Variants in SLC14A2 observed in about 807,000 individuals in gnomAD.
SLC14A2 encodes urea transporter 2.
SLC14A2 carries 91 observed loss-of-function variants against 104.6 expected under a neutral mutation model. That is an observed-to-expected ratio of 0.87 (90% CI 0.73 to 1.04). The LOEUF is 1.04. Ranked by LOEUF, SLC14A2 falls within the 50% of genes least tolerant of loss-of-function variation. SLC14A2 has a pLI of 0.00. For missense variants in SLC14A2, 1,189 were observed against 1,156.0 expected (o/e 1.03, Z -0.41); for synonymous variants, 476 against 466.4 (o/e 1.02, Z -0.27).
chr18:45,345,798 T>C (rs1422345594), intron 1 of SLC14A2, among the ~76,000 whole-genome samples: 1 of 152,222 alleles, frequency 6.6e-6, no homozygotes, highest in Non-Finnish European at 1.5e-5. Flanking sequence ...TCCAATGAAC[T>C]CCCTGTGAGT....
intron 2 of SLC14A2, among the ~76,000 whole-genome samples, chr18:45,594,886 C>G (rs896852190): frequency 4.6e-5 from 7 of 152,290 alleles, no homozygotes; most frequent in Admixed American, 3.3e-4. Flanking sequence ...CTGGTCGGAA[C>G]AGAATCCCAC....
At chr18:45,634,178 A>G (rs1165291948) in intron 5 of SLC14A2, among the ~76,000 whole-genome samples, 2 of 152,174 alleles carry the variant, frequency 1.3e-5, no homozygotes, top group African/African-American at 4.8e-5. Context: ...GGACCCTGAA[A>G]TTCAAGTCAT....
chr18:45,264,453 G>A (rs754531654), intron 1 of SLC14A2, among the ~76,000 whole-genome samples: 12 of 152,162 alleles, frequency 7.9e-5, no homozygotes, highest in Non-Finnish European at 1.6e-4. Flanking sequence ...TACGTAGTTC[G>A]TTTTATCTTG....
intron 1 of SLC14A2, among the ~76,000 whole-genome samples, chr18:45,413,952 T>TAA (rs370895000): frequency 6.8e-6 from 1 of 147,250 alleles, no homozygotes; most frequent in African/African-American, 2.5e-5. Context: ...TAATAGAGCG[T>TAA]AAAAAAAAAA....
intron 1 of SLC14A2, among the ~76,000 whole-genome samples, chr18:45,376,213 C>T (rs1472882519): frequency 1.3e-5 from 2 of 152,282 alleles, no homozygotes; most frequent in East Asian, 3.9e-4. Flanking sequence ...TTTGTGCACG[C>T]CGCCACTTTA....
intron 1 of SLC14A2, among the ~76,000 whole-genome samples, chr18:45,459,896 A>G (rs1192019629): frequency 6.6e-6 from 1 of 152,200 alleles, no homozygotes; most frequent in Non-Finnish European, 1.5e-5. Context: ...AGATGGTTGC[A>G]TTCAGCCCAA....
At chr18:45,182,871 T>G in the SLC14A2 span, among the ~76,000 whole-genome samples, 1 of 152,166 alleles carries the variant, frequency 6.6e-6, no homozygotes, top group Non-Finnish European at 1.5e-5. Flanking sequence ...ATAGGTTAAT[T>G]CAATCTGAAG....
intron 1 of SLC14A2, among the ~76,000 whole-genome samples, chr18:45,304,628 G>C (rs115912969): frequency 7.2e-5 from 11 of 152,202 alleles, no homozygotes; most frequent in Non-Finnish European, 1.3e-4. Context: ...TATTGGGAAG[G>C]GAGTGATCAT....
intron 10 of SLC14A2, chr18:45,647,956 GT>G (rs2045650435): frequency 6.6e-6 from 1 of 151,840 alleles, no homozygotes; most frequent in Non-Finnish European, 1.5e-5. Context: ...AAATTGATTT[GT>G]TAATTGTATT....
intron 1 of SLC14A2, among the ~76,000 whole-genome samples, chr18:45,430,459 G>A (rs919044658): frequency 4.6e-5 from 7 of 152,170 alleles, no homozygotes; most frequent in African/African-American, 9.7e-5. Flanking sequence ...AATAACTCAC[G>A]TAGCACTAAC....
rs186926486 is a variant in SLC14A2 at position 45,531,538 on chromosome 18, G to A, written c.-35+48216G>A. Among the ~76,000 whole-genome samples, 402 of 152,224 alleles carry A rather than the reference G, an allele frequency of 2.6e-3. 2 individuals carry two copies. The highest frequency in any genetic ancestry group is 9.1e-3 in the African/African-American group (379 of 41,552). On this transcript the variant is annotated intron_variant, in intron 2 of 20. Transcript: ENST00000586448. ...TGTTCATATCCTTCACCCACTTTTT[G>A]ATGGGATTGTTTGTTTTTTTCTTGT... is the stretch of plus-strand genomic sequence containing the variant.
chr18:45,364,553 T>C (rs185667727), intron 1 of SLC14A2, among the ~76,000 whole-genome samples: 121 of 152,374 alleles, frequency 7.9e-4, no homozygotes, highest in African/African-American at 2.7e-3. Flanking sequence ...TATATGTGTG[T>C]ATACACAAAA....
intron 1 of SLC14A2, among the ~76,000 whole-genome samples, chr18:45,464,068 G>A (rs2087094946): frequency 1.3e-5 from 2 of 152,152 alleles, no homozygotes; most frequent in Non-Finnish European, 1.5e-5. Flanking sequence ...CAAATGGTCT[G>A]GGCAGAATCA....
At chr18:45,422,669 G>T (rs2086366210) in intron 1 of SLC14A2, among the ~76,000 whole-genome samples, 1 of 152,164 alleles carries the variant, frequency 6.6e-6, no homozygotes, top group Non-Finnish European at 1.5e-5. Context: ...GAGACAGAAG[G>T]CCAATGTCAA....
intron 2 of SLC14A2, among the ~76,000 whole-genome samples, chr18:45,554,094 CA>C (rs1239321634): frequency 6.6e-6 from 1 of 152,238 alleles, no homozygotes; most frequent in East Asian, 1.9e-4. Context: ...CCCCACTTCA[CA>C]GAGGTGCATG....
intron 2 of SLC14A2, among the ~76,000 whole-genome samples, chr18:45,542,045 T>TTTG (rs2043894645): frequency 2.5e-5 from 3 of 121,806 alleles, no homozygotes; most frequent in African/African-American, 8.8e-5. Flanking sequence ...GTTTTTTTTT[T>TTTG]TTTTTTTTTT....
Position 45,563,466 on chromosome 18 carries a change from A to G in SLC14A2, c.-34-61165A>G, listed in dbSNP as rs112757540. ...CATTCGAAAGTATAATTTTATTGAG[A>G]AAGAATGAAGTCACAACAAATTACA... is the stretch of plus-strand genomic sequence containing the variant. On this transcript the variant is annotated intron_variant, in intron 2 of 20. Coordinates refer to the SLC14A2 transcript ENST00000586448. Among the ~76,000 whole-genome samples the G allele has an allele frequency of 1.1e-3, 169 of 152,370 alleles. 2 individuals are homozygous for G. The Middle Eastern group carries it at 0.02, about 18-fold the overall frequency.
intron 1 of SLC14A2, among the ~76,000 whole-genome samples, chr18:45,472,929 T>C (rs971442893): frequency 3.3e-5 from 5 of 152,236 alleles, no homozygotes; most frequent in African/African-American, 1.2e-4. Flanking sequence ...GCTTTTGGTG[T>C]TTTAGTCATG....
At chr18:45,616,970 C>T (rs1360416433) in intron 1 of SLC14A2, among the ~76,000 whole-genome samples, 13 of 151,988 alleles carry the variant, frequency 8.6e-5, no homozygotes, top group Admixed American at 2.6e-4. Flanking sequence ...TGGTGGTGTG[C>T]GCCGGTAGTC....
Sources: gnomAD v4.1 joint callset for allele counts (sites outside exome capture counted in the v4.1 genomes callset) on GRCh38, gnomAD v4.1.1 for gene constraint, MANE v1.5 for transcripts, NCBI Gene and HGNC (gene_info 2026-07-23, HGNC 2026-07-21) for gene names.